The following NEBL variants were observed in gnomAD, a reference collection of about 807,000 sequenced individuals.
The protein encoded by NEBL is LIM and SH3 protein 2.
NEBL carries 122 observed loss-of-function variants against 140.2 expected under a neutral mutation model. The observed-to-expected ratio is 0.87, with a 90% CI of 0.75 to 1.01. The LOEUF (loss-of-function observed/expected upper bound fraction) is 1.01. Among genes scored for constraint, NEBL ranks in the 50% least tolerant of loss-of-function variants. The pLI is 0.00. For synonymous variants in NEBL, 436 were observed against 398.9 expected (o/e 1.09, Z -1.11); for missense variants, 1,365 against 1,231.3 (o/e 1.11, Z -1.62).
In NEBL at chr10:21,227,653, T is replaced by TTTCTTCTTCTTC. The variant is rs549558619; in HGVS notation, n.348+20256_348+20267dup. On this transcript the variant is annotated intron_variant and non_coding_transcript_variant, in intron 3 of 8. Coordinates refer to the NEBL transcript ENST00000675702. ...TAAGGGAATTCAAAAGCACTTGAAG[T>TTTCTTCTTCTTC]TTCTTCTTCTTCTTCTTCTTCTTCT... Among the ~76,000 whole-genome samples the TTTCTTCTTCTTC allele has an allele frequency of 5.7e-3, 477 of 83,248 alleles. 32 individuals carry two copies. The highest frequency in any genetic ancestry group is 7.5e-3 in the Non-Finnish European group (276 of 36,726). 54.6% of individuals were successfully genotyped at this position (83,248 alleles called of 152,430 possible).
chr10:20,783,236 T>C lies in NEBL; in HGVS notation c.*2511A>G, dbSNP rs1368105204. ...TGGTTTTATACATATAATTTTCCAA[T>C]ATTTCTCCTGAGATGCTTAACATCC... On this transcript the variant is annotated 3_prime_UTR_variant, in exon 28 of 28. Transcript: ENST00000377122. 1 of 152,164 alleles carries C rather than the reference T, an allele frequency of 6.6e-6. No homozygotes were observed. Among genetic ancestry groups the C allele is most frequent in the Non-Finnish European group, 1.5e-5 (1 of 68,044 alleles). The allele number at this position is 152,164 out of a possible 1,614,324, so 9.4% of individuals were successfully genotyped here.
chr10:21,004,139 A>T (rs1040883647), intron 3 of NEBL, among the ~76,000 whole-genome samples: 79 of 152,202 alleles, frequency 5.2e-4, no homozygotes, highest in African/African-American at 1.8e-3. Context: ...TTTTTAAACC[A>T]TTCTAGCCTT....
At chr10:21,177,179 G>A (rs1841314148), upstream of NEBL, among the ~76,000 whole-genome samples, 1 of 152,242 alleles carries the variant, frequency 6.6e-6, no homozygotes, top group Admixed American at 6.5e-5. Flanking sequence ...TCGTATCTGA[G>A]CAGAAGCTTC....
intron 9 of NEBL, among the ~76,000 whole-genome samples, chr10:20,857,591 C>T (rs1843209415): frequency 6.6e-6 from 1 of 152,086 alleles, no homozygotes; most frequent in Non-Finnish European, 1.5e-5. Context: ...CTGTCAGTTA[C>T]GAGAGCTAGC....
chr10:21,207,106 TG>T (rs1166554119), intron 3 of NEBL, among the ~76,000 whole-genome samples: 1 of 151,736 alleles, frequency 6.6e-6, no homozygotes, highest in Non-Finnish European at 1.5e-5. Context: ...CCTCAGTAGC[TG>T]GGATTACACA....
intron 2 of NEBL, among the ~76,000 whole-genome samples, chr10:21,081,324 G>C (rs7074610): frequency 0.87 from 132,120 of 152,180 alleles, 57,572 homozygotes; most frequent in Middle Eastern, 0.93. Flanking sequence ...GATGACAAAG[G>C]CTTTCATGGG....
At chr10:20,862,053 T>C (rs1477824641) in intron 7 of NEBL, among the ~76,000 whole-genome samples, 3 of 152,164 alleles carry the variant, frequency 2.0e-5, no homozygotes, top group African/African-American at 7.2e-5. Context: ...ATTTGTTGAA[T>C]ACTGTAATGA....
chr10:21,239,292 G>A (rs1842403671), intron 3 of NEBL, among the ~76,000 whole-genome samples: 1 of 151,896 alleles, frequency 6.6e-6, no homozygotes, highest in Admixed American at 6.6e-5. Flanking sequence ...TTGGCCTGAT[G>A]TTCAGATGCT....
intron 1 of NEBL, among the ~76,000 whole-genome samples, chr10:21,261,152 C>CCAGGGAAATGGTGGGTAACCCCTGT (rs1475056198): frequency 2.0e-5 from 3 of 152,128 alleles, no homozygotes; most frequent in Non-Finnish European, 4.4e-5. Flanking sequence ...TAAACACACC[C>CCAGGGAAATGGTGGGTAACCCCTGT]CAGGGAAATG....
chr10:21,199,328 C>T (rs1452662801), intron 3 of NEBL, among the ~76,000 whole-genome samples: 2 of 152,166 alleles, frequency 1.3e-5, no homozygotes, highest in Middle Eastern at 3.4e-3. Flanking sequence ...CCACTGCATC[C>T]CAATTGGAAT....
At chr10:21,219,259 T>C (rs1589333691) in intron 3 of NEBL, among the ~76,000 whole-genome samples, 2 of 152,214 alleles carry the variant, frequency 1.3e-5, no homozygotes, top group Admixed American at 1.3e-4. Context: ...AAATTAAAAA[T>C]GTATTTTTTA....
In NEBL at chr10:21,020,203, T is replaced by C; in HGVS notation, c.165-2A>G. 1 of 1,613,536 alleles carries C rather than the reference T, an allele frequency of 6.2e-7. No homozygotes were observed. Among genetic ancestry groups the C allele is most frequent in the Non-Finnish European group, 8.5e-7 (1 of 1,179,380 alleles). On this transcript the variant is annotated splice_acceptor_variant, in intron 2 of 6. Transcript: ENST00000417816. LOFTEE classifies it high-confidence loss of function. ...GTGAAGGACTGCTTCGGGTAGTGTCTGTGGGGAAATTTTTTAAAAGGACAT... is the reference window on the plus strand; with the variant it reads ...GTGAAGGACTGCTTCGGGTAGTGTCCGTGGGGAAATTTTTTAAAAGGACAT...
intron 3 of NEBL, among the ~76,000 whole-genome samples, chr10:21,008,245 G>T (rs1027491507): frequency 2.0e-5 from 3 of 152,144 alleles, no homozygotes; most frequent in South Asian, 2.1e-4. Flanking sequence ...TATATGTACA[G>T]TAGTCCCCTC....
intron 2 of NEBL, among the ~76,000 whole-genome samples, chr10:21,026,671 A>G (rs1833511756): frequency 6.6e-6 from 1 of 152,230 alleles, no homozygotes; most frequent in Non-Finnish European, 1.5e-5. Context: ...TCAGATGTCA[A>G]AAGAATTTGT....
intron 2 of NEBL, chr10:21,126,065 C>T: frequency 1.2e-6 from 2 of 1,614,110 alleles, no homozygotes; most frequent in Non-Finnish European, 1.7e-6. Flanking sequence ...CTGGTCTCCC[C>T]AACCAGCTTC....
At chr10:20,997,471 T>TGAA (rs1837713554) in intron 3 of NEBL, among the ~76,000 whole-genome samples, 1 of 25,168 alleles carries the variant, frequency 4.0e-5, no homozygotes, top group Non-Finnish European at 1.1e-4. Flanking sequence ...ACAGTCTCAG[T>TGAA]AAAAAAAAAA....
rs1461808223 is a variant in NEBL, at chr10:20,859,767, A to C, written c.744T>G (p.Pro248=). Residue 248 remains proline, a synonymous_variant, in exon 8 of 28, where the codon CCT becomes CCG. Coordinates refer to ENST00000377122, the MANE Select transcript of NEBL (RefSeq NM_006393.3). The part of the protein sequence containing the change: ...EMKDKKHHYN[P]LESASFRQNQ... ...TCTGCCTAAAAGAAGCACTTTCAAG[A>C]GGATTGTAATGATGTTTCTTATCCT... The C allele has an allele frequency of 6.2e-7, 1 of 1,604,762 alleles. No individual in the cohort carries two copies.
chr10:20,884,147 C>T (rs1852596122), intron 4 of NEBL, among the ~76,000 whole-genome samples: 1 of 152,098 alleles, frequency 6.6e-6, no homozygotes, highest in Non-Finnish European at 1.5e-5. Flanking sequence ...TACATTTATT[C>T]TATATTTTTG....
intron 2 of NEBL, among the ~76,000 whole-genome samples, chr10:21,169,067 A>AATATATATATATATAT (rs1176763018): frequency 1.5e-3 from 35 of 23,024 alleles, no homozygotes; most frequent in Middle Eastern, 0.083. Context: ...AAAAAAAAAA[A>AATATATATATATATAT]ATATATATAT....
Sources: gnomAD v4.1 joint callset for allele counts (sites outside exome capture counted in the v4.1 genomes callset) on GRCh38, gnomAD v4.1.1 for gene constraint, MANE v1.5 for transcripts, NCBI Gene and HGNC (gene_info 2026-07-23, HGNC 2026-07-21) for gene names.